The following CNTN1 variants were observed in gnomAD, a reference collection of about 807,000 sequenced individuals.
The protein encoded by CNTN1 is contactin-1.
CNTN1 carries 38 observed loss-of-function variants against 126.4 expected under a neutral mutation model. The ratio of observed to expected loss-of-function variants is 0.30; its 90% CI spans 0.23 to 0.39. The LOEUF (loss-of-function observed/expected upper bound fraction) is 0.39. Among genes scored for constraint, CNTN1 ranks in the 10% least tolerant of loss-of-function variants. The pLI is 1.00. For synonymous variants in CNTN1, 413 were observed against 422.6 expected, an observed-to-expected ratio of 0.98 and a Z score of 0.28; for missense variants, 1,009 against 1,248.4, an observed-to-expected ratio of 0.81 and a Z score of 2.89.
intron 20 of CNTN1, among the ~76,000 whole-genome samples, chr12:41,023,336 C>G (rs1201886745): frequency 6.6e-6 from 1 of 152,148 alleles, no homozygotes; most frequent in Non-Finnish European, 1.5e-5. Context: ...AATCTCTTCC[C>G]TTGTGGTTTT....
Position 41,025,190 on chromosome 12 carries a change from A to G in CNTN1, c.2564A>G (p.Asn855Ser). The change falls in exon 21 of 24, where the codon AAC (asparagine) becomes AGC (serine). Residue 855 changes from asparagine (N) to serine (S), a missense_variant. By Grantham distance (46) the Asn-to-Ser change is conservative (BLOSUM62 1). Transcript: ENST00000551295. ...GCCCATGACAAAGAAGAAGCTGCAAACAGAGTTCAAGTCACCAGCCAAGAG... is the reference window on the plus strand; with the variant it reads ...GCCCATGACAAAGAAGAAGCTGCAAGCAGAGTTCAAGTCACCAGCCAAGAG... ...WAAHDKEEAA[N>S]RVQVTSQEYS... The G allele has an allele frequency of 2.5e-6, 4 of 1,613,954 alleles. No individual in the cohort carries two copies. The South Asian group carries it at 4.4e-5, about 18-fold the overall frequency.
At chr12:40,835,216 C>T (rs898102535) in intron 1 of CNTN1, among the ~76,000 whole-genome samples, 2 of 152,172 alleles carry the variant, frequency 1.3e-5, no homozygotes, top group Non-Finnish European at 2.9e-5. Context: ...GACTTACCTA[C>T]CCTTAAATCA....
chr12:40,975,214 A>T, intron 15 of CNTN1, among the ~76,000 whole-genome samples: 1 of 94,174 alleles, frequency 1.1e-5, no homozygotes, highest in South Asian at 3.1e-4. Context: ...ATATATATAT[A>T]TATATATATG....
chr12:40,752,079 A>T (rs1938424922), intron 1 of CNTN1, among the ~76,000 whole-genome samples: 2 of 152,054 alleles, frequency 1.3e-5, no homozygotes, highest in African/African-American at 4.8e-5. Flanking sequence ...ACATTTTATT[A>T]AGTTTTTTTA....
chr12:41,063,902 C>T (rs753762747), intron 23 of CNTN1, among the ~76,000 whole-genome samples: 1 of 152,036 alleles, frequency 6.6e-6, no homozygotes, highest in African/African-American at 2.4e-5. Context: ...ACAGGCCGGG[C>T]GCGGTAGCTC....
intron 23 of CNTN1, among the ~76,000 whole-genome samples, chr12:41,056,985 TTA>T (rs1222798536): frequency 1.0e-5 from 1 of 97,156 alleles, no homozygotes; most frequent in Non-Finnish European, 1.9e-5. Context: ...ATTTAGATAT[TTA>T]TAAATATTAT....
At chr12:40,949,126 A>T (rs1442188) in intron 14 of CNTN1, among the ~76,000 whole-genome samples, 69,980 of 151,742 alleles carry the variant, frequency 0.46, 16,173 homozygotes, top group Admixed American at 0.5. Context: ...TCATGCTGTG[A>T]TCTTGTACAG....
At chr12:40,887,425 A>G (rs1193581862) in intron 1 of CNTN1, among the ~76,000 whole-genome samples, 1 of 152,234 alleles carries the variant, frequency 6.6e-6, no homozygotes. Flanking sequence ...GCTCGTCGTC[A>G]CTGGCCATCA....
chr12:40,947,819 A>G (rs1416391222), intron 14 of CNTN1, among the ~76,000 whole-genome samples: 3 of 148,958 alleles, frequency 2.0e-5, no homozygotes, highest in Admixed American at 6.8e-5. Flanking sequence ...ACACACACAC[A>G]CACACACACA....
intron 1 of CNTN1, among the ~76,000 whole-genome samples, chr12:40,747,639 T>G (rs564627181): frequency 6.6e-6 from 1 of 151,980 alleles, no homozygotes; most frequent in Non-Finnish European, 1.5e-5. Context: ...GGATGGAGAA[T>G]AGCTTGCAGA....
intron 1 of CNTN1, among the ~76,000 whole-genome samples, chr12:40,734,515 T>A (rs1253910341): frequency 6.6e-6 from 1 of 152,062 alleles, no homozygotes; most frequent in Non-Finnish European, 1.5e-5. Flanking sequence ...ACTGAGACAT[T>A]TAAATACTGG....
intron 15 of CNTN1, chr12:40,979,232 T>C (rs1046969858): frequency 1.3e-5 from 2 of 152,166 alleles, no homozygotes; most frequent in Non-Finnish European, 2.9e-5. Context: ...AATAATAAAA[T>C]TTACTGTCAT....
chr12:40,893,583 C>T (rs571067064), intron 1 of CNTN1, among the ~76,000 whole-genome samples: 2 of 152,176 alleles, frequency 1.3e-5, no homozygotes, highest in Admixed American at 1.3e-4. Flanking sequence ...AAACAATCTA[C>T]CAAGAGAACA....
At chr12:41,058,620 G>C (rs1049973799) in intron 23 of CNTN1, among the ~76,000 whole-genome samples, 1 of 151,968 alleles carries the variant, frequency 6.6e-6, no homozygotes, top group Non-Finnish European at 1.5e-5. Flanking sequence ...AAAAGAATTT[G>C]AAAAGAACTT....
intron 21 of CNTN1, 32 bp from the exon 22 acceptor site, chr12:41,027,825 G>A (rs1331381230): frequency 7.8e-7 from 1 of 1,287,782 alleles, no homozygotes; most frequent in Non-Finnish European, 1.1e-6. Flanking sequence ...TGGATATAGT[G>A]ACCACTGATT....
chr12:41,062,177 C>A (rs1949950063), intron 23 of CNTN1, among the ~76,000 whole-genome samples: 1 of 152,132 alleles, frequency 6.6e-6, no homozygotes, highest in Admixed American at 6.6e-5. Context: ...TTGTCAAAGT[C>A]ATGAAGTTAA....
intron 3 of CNTN1, among the ~76,000 whole-genome samples, chr12:40,914,184 A>G (rs1209140253): frequency 6.6e-6 from 1 of 152,214 alleles, no homozygotes; most frequent in Non-Finnish European, 1.5e-5. Context: ...ATGGCTGTAG[A>G]AAAAAATCAA....
intron 23 of CNTN1, chr12:41,061,921 C>G: frequency 2.8e-6 from 1 of 362,166 alleles, no homozygotes. Context: ...CTCTACCTAG[C>G]TTAGTATTTG....
At chr12:40,953,532 G>T (rs71449790) in intron 14 of CNTN1, among the ~76,000 whole-genome samples, 5,074 of 152,092 alleles carry the variant, frequency 0.033, 110 homozygotes, top group Middle Eastern at 0.11. Context: ...CTTTCCTTCT[G>T]AGAAGTTTTA....
Sources: allele counts gnomAD v4.1 joint callset (sites outside exome capture counted in the v4.1 genomes callset), GRCh38; gene constraint gnomAD v4.1.1; transcripts MANE v1.5; gene names NCBI Gene and HGNC (gene_info 2026-07-23, HGNC 2026-07-21).